Variants in MMP26 observed in about 807,000 individuals in gnomAD.
The protein encoded by MMP26 is matrix metalloproteinase-26.
MMP26 carries 33 observed loss-of-function variants against 31.0 expected under a neutral mutation model. The observed-to-expected ratio is 1.06, with a 90% CI of 0.81 to 1.42. MMP26 has a LOEUF of 1.42. Among genes scored for constraint, MMP26 ranks in the 40% most tolerant of loss-of-function variants. MMP26 has a pLI of 0.00. For missense variants in MMP26, 347 were observed against 316.1 expected (o/e 1.10, Z -0.74); for synonymous variants, 122 against 114.9 (o/e 1.06, Z -0.40).
At chr11:4,859,138 A>G (rs1317534823) in intron 2 of MMP26, among the ~76,000 whole-genome samples, 1 of 152,188 alleles carries the variant, frequency 6.6e-6, no homozygotes, top group Non-Finnish European at 1.5e-5. Flanking sequence ...AACCTAGGCA[A>G]TTCCATTCAG....
At chr11:4,894,470 G>A (rs1376508698) in intron 2 of MMP26, among the ~76,000 whole-genome samples, 2 of 152,176 alleles carry the variant, frequency 1.3e-5, no homozygotes, top group Non-Finnish European at 2.9e-5. Flanking sequence ...TTAGGACACA[G>A]TATGCAATAT....
chr11:4,989,591 T>C (rs1344006803), intron 3 of MMP26, 57 bp from the exon 4 acceptor site: 22 of 1,415,596 alleles, frequency 1.6e-5, no homozygotes, highest in Middle Eastern at 1.7e-4. Context: ...CCAGGGTAAC[T>C]GATATATGGG....
At chr11:4,914,770 A>G (rs200808811) in intron 2 of MMP26, 2 of 1,613,968 alleles carry the variant, frequency 1.2e-6, no homozygotes, top group Non-Finnish European at 1.7e-6. Context: ...TGGTCTTCAC[A>G]CTGTAGACAA....
rs1206794212 is a variant in MMP26 at position 4,857,136 on chromosome 11, G to A, written c.-145+89795G>A. Reference sequence around the variant, plus strand: ...GAGAAAGCAGGAAAGATCTAAAATCGACACCCTAACATCACAATTAAAAGA... The same window carrying A: ...GAGAAAGCAGGAAAGATCTAAAATCAACACCCTAACATCACAATTAAAAGA... On this transcript the variant is annotated intron_variant, in intron 2 of 7. Transcript: ENST00000380390. Among the ~76,000 whole-genome samples the A allele has an allele frequency of 6.6e-5, 10 of 152,026 alleles. No homozygotes were observed. In the East Asian group the frequency reaches 9.7e-4, roughly 15 times the overall value.
intron 2 of MMP26, among the ~76,000 whole-genome samples, chr11:4,926,791 T>G (rs1020816065): frequency 6.6e-6 from 1 of 152,178 alleles, no homozygotes; most frequent in Non-Finnish European, 1.5e-5. Flanking sequence ...AAGCACATCA[T>G]GACTCACACC....
At position 4,992,224 on chromosome 11, in the gene MMP26, T is replaced by C; in HGVS notation, c.768T>C (p.Cys256=). The C allele has an allele frequency of 6.2e-7, 1 of 1,611,488 alleles. No homozygotes were observed. The part of the protein sequence containing the change: ...QRIQHLYGEK[C]SSDIP ...TTTCTGTTTCCATAGGAGAAAAATG[T>C]TCATCTGACATACCTTAATGTTAGC... Residue 256 remains cysteine (C), a synonymous_variant, in exon 8 of 8, where the codon TGT becomes TGC. Coordinates refer to ENST00000380390, the MANE Select transcript of MMP26 (RefSeq NM_021801.5).
chr11:4,758,548 A>T (rs996970157), intron 1 of MMP26, among the ~76,000 whole-genome samples: 1 of 152,068 alleles, frequency 6.6e-6, no homozygotes. Context: ...TTAAATATGT[A>T]AATATCAAAA....
chr11:4,796,138 G>C (rs1388981996), intron 2 of MMP26, among the ~76,000 whole-genome samples: 1 of 152,158 alleles, frequency 6.6e-6, no homozygotes, highest in Non-Finnish European at 1.5e-5. Flanking sequence ...GAAAAGTAGA[G>C]CCTGTCTGTT....
chr11:4,731,553 C>A lies in MMP26; in HGVS notation c.-217+26508C>A, dbSNP rs556049182. Reference sequence around the variant, plus strand: ...GACAGTTGTCAGTGGCTTTGCTGTCCCTTACCCTCTCCTTCCACACTGATG... The same window carrying A: ...GACAGTTGTCAGTGGCTTTGCTGTCACTTACCCTCTCCTTCCACACTGATG... On this transcript the variant is annotated intron_variant, in intron 1 of 7. Coordinates refer to ENST00000380390, the MANE Select transcript of MMP26 (RefSeq NM_021801.5). Among the ~76,000 whole-genome samples, 3 of 152,256 alleles carry A rather than the reference C, an allele frequency of 2.0e-5. No individual in the cohort carries two copies. In the South Asian group the frequency reaches 6.2e-4, roughly 32 times the overall value.
chr11:4,828,032 A>T (rs375195345), intron 2 of MMP26, among the ~76,000 whole-genome samples: 1 of 152,316 alleles, frequency 6.6e-6, no homozygotes, highest in South Asian at 2.1e-4. Flanking sequence ...AAATTCCATT[A>T]TGATTGTGGA....
chr11:4,834,603 C>T (rs1365407860), intron 2 of MMP26, among the ~76,000 whole-genome samples: 1 of 152,128 alleles, frequency 6.6e-6, no homozygotes, highest in Non-Finnish European at 1.5e-5. Flanking sequence ...CCTCTAAAGT[C>T]CTTACTGTGA....
chr11:4,734,123 C>A (rs1055297353), intron 1 of MMP26, among the ~76,000 whole-genome samples: 5 of 152,094 alleles, frequency 3.3e-5, no homozygotes, highest in African/African-American at 9.7e-5. Flanking sequence ...TAACAATTTT[C>A]TTTTCCTATG....
At chr11:4,739,985 T>TATTTA (rs1367031081) in intron 1 of MMP26, among the ~76,000 whole-genome samples, 4 of 152,210 alleles carry the variant, frequency 2.6e-5, no homozygotes, top group Non-Finnish European at 5.9e-5. Context: ...TGAAATATTA[T>TATTTA]GGCAAAGGTC....
intron 2 of MMP26, among the ~76,000 whole-genome samples, chr11:4,970,604 G>A (rs1461549729): frequency 6.6e-6 from 1 of 152,214 alleles, no homozygotes; most frequent in Non-Finnish European, 1.5e-5. Flanking sequence ...GGATGGAGGT[G>A]CCAGGTGGGC....
intron 2 of MMP26, among the ~76,000 whole-genome samples, chr11:4,985,553 G>T (rs948011443): frequency 1.3e-5 from 2 of 151,904 alleles, no homozygotes; most frequent in Admixed American, 6.6e-5. Context: ...AACATTAACT[G>T]GGATATAGCA....
intron 1 of MMP26, among the ~76,000 whole-genome samples, chr11:4,734,635 A>G (rs4495889): frequency 0.45 from 67,867 of 151,298 alleles, 15,365 homozygotes; most frequent in South Asian, 0.57. Context: ...GATTTTTTTT[A>G]TGACCCGTGG....
At chr11:4,747,531 G>A (rs1848396879) in intron 1 of MMP26, among the ~76,000 whole-genome samples, 1 of 152,128 alleles carries the variant, frequency 6.6e-6, no homozygotes, top group Non-Finnish European at 1.5e-5. Context: ...GGGGAATATA[G>A]CAAGGTAGAT....
At chr11:4,860,642 G>A in intron 2 of MMP26, 1 of 373,384 alleles carries the variant, frequency 2.7e-6, no homozygotes, top group Non-Finnish European at 5.4e-6. Flanking sequence ...TTCTCATATG[G>A]ACAGAACAAT....
chr11:4,989,889 G>A, intron 4 of MMP26, 21 bp downstream of exon 4: 2 of 1,587,848 alleles, frequency 1.3e-6, no homozygotes, highest in Non-Finnish European at 1.7e-6. Context: ...CTAAGGCCTA[G>A]AGGATAATGT....
Sources: gnomAD v4.1 joint callset for allele counts (sites outside exome capture counted in the v4.1 genomes callset) on GRCh38, gnomAD v4.1.1 for gene constraint, MANE v1.5 for transcripts, NCBI Gene and HGNC (gene_info 2026-07-23, HGNC 2026-07-21) for gene names.